Variants in SELENOI observed in about 807,000 individuals in gnomAD.
The protein encoded by SELENOI is selenoprotein I, also known as ethanolaminephosphotransferase 1.
A neutral mutation model predicts 50.7 loss-of-function variants in SELENOI; 24 were observed. That is an observed-to-expected ratio of 0.47 (90% CI 0.34 to 0.67). The LOEUF (loss-of-function observed/expected upper bound fraction) is 0.67, where lower values mean the gene tolerates loss of function less well. Ranked by LOEUF, SELENOI falls within the 30% of genes least tolerant of loss-of-function variation. The pLI is 0.01. For synonymous variants in SELENOI, 155 were observed against 170.2 expected, an observed-to-expected ratio of 0.91 and a Z score of 0.70; for missense variants, 352 against 461.4, an observed-to-expected ratio of 0.76 and a Z score of 2.17.
chr2:26,360,943 G>A (rs115301936), intron 1 of SELENOI, among the ~76,000 whole-genome samples: 1,580 of 152,238 alleles, frequency 0.01, 36 homozygotes, highest in African/African-American at 0.036. Flanking sequence ...TGGCCGGCAC[G>A]GTGGCTTACG....
Position 26,393,856 on chromosome 2 carries a change from T to C in SELENOI, c.*4753T>C, listed in dbSNP as rs956620094. On this transcript the variant is annotated 3_prime_UTR_variant, in exon 10 of 10. Coordinates refer to ENST00000260585, the MANE Select transcript of SELENOI (RefSeq NM_033505.4). ...AGGGAGTAGCTAAATGCTGTGGATA[T>C]TTCATGTCTGTTTGGCTAATGTCTT... 6.6e-6 allele frequency: 1 copy of C among 152,232 alleles called. No individual in the cohort carries two copies. The highest frequency in any genetic ancestry group is 1.5e-5 in the Non-Finnish European group (1 of 68,032). 9.4% of individuals were successfully genotyped at this position (152,232 alleles called of 1,614,324 possible).
rs1677841947 is a variant in SELENOI at position 26,386,349 on chromosome 2, T to C, written c.913-5T>C. On this transcript the variant is annotated splice_polypyrimidine_tract_variant and splice_region_variant and intron_variant, in intron 8 of 9. Transcript: ENST00000260585. ...TCTCTCTTATTTTTTTAAATTGACG[T>C]CCAGTGTCAGCTGATTGTTTGCCAA... The C allele has an allele frequency of 1.1e-5, 18 of 1,600,432 alleles. No homozygotes were observed. Among genetic ancestry groups the C allele is most frequent in the Non-Finnish European group, 1.4e-5 (17 of 1,176,246 alleles).
At chr2:26,369,973 G>A in intron 4 of SELENOI, among the ~76,000 whole-genome samples, 1 of 150,560 alleles carries the variant, frequency 6.6e-6, no homozygotes, top group African/African-American at 2.5e-5. Context: ...GTGAACAAAG[G>A]TCTCTGGTTT....
In SELENOI at chr2:26,391,089, T is replaced by C. The variant is rs1486624758; in HGVS notation, c.*1986T>C. ...TTACTTCTGACATTTTAAGGTCACGTCCTATAGTTTGGGGGCCCTTTTACT... is the reference window on the plus strand; with the variant it reads ...TTACTTCTGACATTTTAAGGTCACGCCCTATAGTTTGGGGGCCCTTTTACT... On this transcript the variant is annotated 3_prime_UTR_variant, in exon 10 of 10. Transcript: ENST00000260585. 2.0e-5 allele frequency: 3 copies of C among 152,140 alleles called. No individual in the cohort carries two copies. The highest frequency in any genetic ancestry group is 4.8e-5 in the African/African-American group (2 of 41,420). The allele number at this position is 152,140 out of a possible 1,614,324, so 9.4% of individuals were successfully genotyped here.
rs60220320 is a variant in SELENOI at position 26,387,695 on chromosome 2, CAAAA to C, written c.1095+1174_1095+1177del. 1.1e-3 allele frequency among the ~76,000 whole-genome samples: 109 copies of C among 99,144 alleles called. 1 individual carries two copies. The East Asian group carries it at 0.018, about 16-fold the overall frequency. 65.0% of individuals were successfully genotyped at this position (99,144 alleles called of 152,430 possible). On this transcript the variant is annotated intron_variant, in intron 9 of 9. Transcript: ENST00000260585. ...TGAGTGACAAAGTGAGACCCTGTCT[CAAAA>C]AAAAAAAAAAAAAAGAAAAAGAAAG...
Position 26,369,566 on chromosome 2 carries a change from C to T in SELENOI, c.310+2346C>T, listed in dbSNP as rs559568818. Among the ~76,000 whole-genome samples, 3 of 152,286 alleles carry T rather than the reference C, an allele frequency of 2.0e-5. 1 individual carries two copies. The South Asian group carries it at 6.2e-4, about 32-fold the overall frequency. ...TCCATCTCACCTACCACCAGTTTCT[C>T]ATTCCTACTGCATTTCATCTCAGGC... On this transcript the variant is annotated intron_variant, in intron 4 of 9. Coordinates refer to ENST00000260585, the MANE Select transcript of SELENOI (RefSeq NM_033505.4).
intron 4 of SELENOI, among the ~76,000 whole-genome samples, chr2:26,370,247 C>T (rs891130697): frequency 2.0e-5 from 3 of 151,826 alleles, no homozygotes; most frequent in Non-Finnish European, 4.4e-5. Context: ...AAAAGTCTCC[C>T]ATGTCTACCT....
intron 1 of SELENOI, among the ~76,000 whole-genome samples, chr2:26,356,950 C>G (rs576535160): frequency 6.6e-6 from 1 of 152,144 alleles, no homozygotes; most frequent in East Asian, 1.9e-4. Flanking sequence ...TATTACATCC[C>G]TACCTCCACA....
intron 1 of SELENOI, among the ~76,000 whole-genome samples, chr2:26,358,504 C>G (rs1181384184): frequency 6.6e-6 from 1 of 152,202 alleles, no homozygotes; most frequent in East Asian, 1.9e-4. Flanking sequence ...GGATTACAAG[C>G]ATGAGCCACA....
intron 1 of SELENOI, among the ~76,000 whole-genome samples, chr2:26,362,448 C>T (rs1677197934): frequency 6.6e-6 from 1 of 152,138 alleles, no homozygotes; most frequent in African/African-American, 2.4e-5. Context: ...TGTATACATA[C>T]TGAACACACA....
chr2:26,388,098 A>G (rs968106891), intron 9 of SELENOI, among the ~76,000 whole-genome samples: 1 of 152,246 alleles, frequency 6.6e-6, no homozygotes, highest in Non-Finnish European at 1.5e-5. Context: ...GAATTGTGAT[A>G]TAAGACATAA....
chr2:26,388,957 A>C, intron 9 of SELENOI, 48 bp from the exon 10 acceptor site: 1 of 1,395,784 alleles, frequency 7.2e-7, no homozygotes, highest in Non-Finnish European at 9.9e-7. Context: ...CTTTTAAAAA[A>C]CAATAAGGTA....
intron 5 of SELENOI, among the ~76,000 whole-genome samples, chr2:26,374,132 T>C (rs1677517405): frequency 6.6e-6 from 1 of 152,206 alleles, no homozygotes; most frequent in South Asian, 2.1e-4. Flanking sequence ...AAAAGCTTCC[T>C]TTAAAAAAAC....
At chr2:26,385,248 T>C (rs889833247) in intron 8 of SELENOI, 109 bp downstream of exon 8, 3 of 674,346 alleles carry the variant, frequency 4.4e-6, no homozygotes, top group Admixed American at 8.0e-5. Flanking sequence ...AACTTAAAGA[T>C]TTTTATTTCA....
At chr2:26,360,485 A>G (rs1677152613) in intron 1 of SELENOI, among the ~76,000 whole-genome samples, 1 of 152,226 alleles carries the variant, frequency 6.6e-6, no homozygotes, top group South Asian at 2.1e-4. Flanking sequence ...TCAAAATACC[A>G]TTCCTTAAAG....
At chr2:26,378,619 G>A (rs34343122) in intron 6 of SELENOI, among the ~76,000 whole-genome samples, 49,369 of 152,104 alleles carry the variant, frequency 0.32, 10,251 homozygotes, top group Non-Finnish European at 0.47. Flanking sequence ...TCTGGGACAG[G>A]GGGTAGGCAA....
chr2:26,381,379 TTTAACAA>T (rs1346462567), intron 6 of SELENOI, among the ~76,000 whole-genome samples: 5 of 152,046 alleles, frequency 3.3e-5, no homozygotes, highest in African/African-American at 1.2e-4. Context: ...TAGATAAGTA[TTTAACAA>T]TTAAGTACTC....
chr2:26,384,868 T>C (rs1677805452), intron 7 of SELENOI, 91 bp from the exon 8 acceptor site: 5 of 834,496 alleles, frequency 6.0e-6, no homozygotes, highest in Middle Eastern at 3.1e-4. Context: ...ATAAAATAAG[T>C]GTATAAATAA....
At chr2:26,379,800 T>G (rs1312094796) in intron 6 of SELENOI, among the ~76,000 whole-genome samples, 4 of 152,142 alleles carry the variant, frequency 2.6e-5, no homozygotes, top group Admixed American at 2.0e-4. Context: ...AGTACAGAAT[T>G]TTTACTTAAC....
Sources: allele counts gnomAD v4.1 joint callset (sites outside exome capture counted in the v4.1 genomes callset), GRCh38; gene constraint gnomAD v4.1.1; transcripts MANE v1.5; gene names NCBI Gene and HGNC (gene_info 2026-07-23, HGNC 2026-07-21).